The following GPC5 variants were observed in gnomAD, a reference collection of about 807,000 sequenced individuals.
The protein encoded by GPC5 is glypican-5.
A neutral mutation model predicts 53.9 loss-of-function variants in GPC5; 47 were observed. The ratio of observed to expected loss-of-function variants is 0.87; its 90% CI spans 0.69 to 1.11. The LOEUF is 1.11. GPC5 is among the 50% of genes most tolerant of loss of function. The probability of loss-of-function intolerance (pLI) is 0.00; values close to 1 mark genes in which losing one functional copy is unlikely to be tolerated. For synonymous variants in GPC5, 286 were observed against 263.3 expected (o/e 1.09, Z -0.84); for missense variants, 748 against 713.1 (o/e 1.05, Z -0.56).
intron 7 of GPC5, among the ~76,000 whole-genome samples, chr13:92,161,188 A>G (rs1334262348): frequency 2.0e-5 from 3 of 152,178 alleles, no homozygotes; most frequent in African/African-American, 7.2e-5. Context: ...ACATCGGATT[A>G]ATCTCTGTGC....
intron 7 of GPC5, among the ~76,000 whole-genome samples, chr13:92,628,428 C>A (rs1885128192): frequency 6.6e-6 from 1 of 151,832 alleles, no homozygotes; most frequent in African/African-American, 2.4e-5. Flanking sequence ...TTCATACTTT[C>A]TTTTCCCCAG....
At chr13:92,554,303 G>T (rs1485234030) in intron 7 of GPC5, among the ~76,000 whole-genome samples, 1 of 151,780 alleles carries the variant, frequency 6.6e-6, no homozygotes, top group Non-Finnish European at 1.5e-5. Flanking sequence ...TTCATTCAGT[G>T]AAATTTTTAA....
At chr13:92,034,858 C>T (rs904509801) in intron 6 of GPC5, among the ~76,000 whole-genome samples, 1 of 151,918 alleles carries the variant, frequency 6.6e-6, no homozygotes, top group African/African-American at 2.4e-5. Context: ...TGTATGTTAC[C>T]TCTGAAGACA....
At chr13:91,475,296 A>AGT (rs1317442134) in intron 2 of GPC5, among the ~76,000 whole-genome samples, 1 of 152,176 alleles carries the variant, frequency 6.6e-6, no homozygotes, top group Non-Finnish European at 1.5e-5. Context: ...TTGAACACAA[A>AGT]GTGAAGAAAA....
intron 2 of GPC5, among the ~76,000 whole-genome samples, chr13:91,620,323 G>GA (rs1383054885): frequency 1.3e-5 from 2 of 152,076 alleles, no homozygotes; most frequent in Admixed American, 6.6e-5. Context: ...AACATAAGTA[G>GA]AATAATCTGA....
At chr13:91,889,956 A>C (rs2039367328) in intron 5 of GPC5, among the ~76,000 whole-genome samples, 2 of 152,222 alleles carry the variant, frequency 1.3e-5, no homozygotes, top group South Asian at 2.1e-4. Context: ...GAAATTCTCT[A>C]ATAGAACACT....
intron 2 of GPC5, among the ~76,000 whole-genome samples, chr13:91,508,463 C>T (rs1460665375): frequency 6.6e-6 from 1 of 152,080 alleles, no homozygotes; most frequent in African/African-American, 2.4e-5. Flanking sequence ...TGAAGACTGG[C>T]TGAAGTAGGG....
chr13:91,744,049 T>C (rs2036995415), intron 4 of GPC5, among the ~76,000 whole-genome samples: 1 of 152,142 alleles, frequency 6.6e-6, no homozygotes, highest in Non-Finnish European at 1.5e-5. Flanking sequence ...ACACTAACTT[T>C]GGGATCTTGT....
chr13:91,574,324 A>G (rs375549306), intron 2 of GPC5, among the ~76,000 whole-genome samples: 67 of 152,238 alleles, frequency 4.4e-4, no homozygotes, highest in African/African-American at 1.6e-3. Flanking sequence ...GTAAGATAAG[A>G]TATGATTTAA....
chr13:92,341,508 AAG>A (rs1409664308), intron 7 of GPC5, among the ~76,000 whole-genome samples: 1 of 152,150 alleles, frequency 6.6e-6, no homozygotes, highest in Non-Finnish European at 1.5e-5. Flanking sequence ...GTAATGCTAT[AAG>A]AGTTTTAGAA....
At chr13:92,380,774 G>T (rs9589527) in intron 7 of GPC5, among the ~76,000 whole-genome samples, 2 of 115,306 alleles carry the variant, frequency 1.7e-5, no homozygotes, top group African/African-American at 6.6e-5. Flanking sequence ...GGGGGGAGGG[G>T]GGAGGGATAG....
intron 7 of GPC5, among the ~76,000 whole-genome samples, chr13:92,326,165 C>G (rs979694958): frequency 1.3e-5 from 2 of 151,924 alleles, no homozygotes; most frequent in African/African-American, 4.8e-5. Flanking sequence ...AAGAATAAAG[C>G]TGTTTATGAA....
intron 4 of GPC5, among the ~76,000 whole-genome samples, chr13:91,752,240 A>T (rs907133812): frequency 6.6e-6 from 1 of 152,066 alleles, no homozygotes; most frequent in African/African-American, 2.4e-5. Flanking sequence ...GTATGTATGT[A>T]TGTATGTATG....
chr13:91,797,861 G>A (rs933656957), intron 5 of GPC5, among the ~76,000 whole-genome samples: 2 of 152,212 alleles, frequency 1.3e-5, no homozygotes, highest in East Asian at 1.9e-4. Context: ...AAAGAGCACC[G>A]TGAGATTCAT....
intron 4 of GPC5, among the ~76,000 whole-genome samples, chr13:91,753,515 T>G (rs1013909992): frequency 6.6e-6 from 1 of 152,200 alleles, no homozygotes; most frequent in African/African-American, 2.4e-5. Flanking sequence ...TCAGGGTTTC[T>G]CCTGCTCAGG....
chr13:92,313,596 T>G (rs2043159670), intron 7 of GPC5, among the ~76,000 whole-genome samples: 1 of 152,212 alleles, frequency 6.6e-6, no homozygotes, highest in Non-Finnish European at 1.5e-5. Flanking sequence ...CCAAAAGATT[T>G]CATACAGCCA....
chr13:91,436,964 T>G (rs1329783829), intron 1 of GPC5, among the ~76,000 whole-genome samples: 3 of 152,182 alleles, frequency 2.0e-5, no homozygotes, highest in Non-Finnish European at 4.4e-5. Flanking sequence ...TCTCTTTTGA[T>G]GTTTGTTGGT....
intron 2 of GPC5, among the ~76,000 whole-genome samples, chr13:91,596,300 A>G (rs1200504724): frequency 6.6e-6 from 1 of 152,164 alleles, no homozygotes; most frequent in African/African-American, 2.4e-5. Context: ...TTTTTATCCA[A>G]TATGTTTATC....
chr13:92,043,253 T>C (rs897832071), intron 6 of GPC5, among the ~76,000 whole-genome samples: 2 of 152,220 alleles, frequency 1.3e-5, no homozygotes, highest in Non-Finnish European at 2.9e-5. Context: ...GTCACATTTA[T>C]GGGCCCTTGG....
Sources: gnomAD v4.1 joint callset for allele counts (sites outside exome capture counted in the v4.1 genomes callset) on GRCh38, gnomAD v4.1.1 for gene constraint, MANE v1.5 for transcripts, NCBI Gene and HGNC (gene_info 2026-07-23, HGNC 2026-07-21) for gene names.